The following VTI1A variants were observed in gnomAD, a reference collection of about 807,000 sequenced individuals.
VTI1A encodes the protein vesicle transport through interaction with t-SNAREs homolog 1A.
VTI1A carries 22 observed loss-of-function variants against 34.9 expected under a neutral mutation model. The observed-to-expected ratio is 0.63, with a 90% confidence interval of 0.45 to 0.90. The LOEUF (loss-of-function observed/expected upper bound fraction) is 0.90. Among genes scored for constraint, VTI1A ranks in the 40% least tolerant of loss-of-function variants. The pLI is 0.00. For missense variants in VTI1A, 268 were observed against 275.6 expected, an observed-to-expected ratio of 0.97 and a Z score of 0.20; for synonymous variants, 87 against 97.3, an observed-to-expected ratio of 0.89 and a Z score of 0.62.
At chr10:112,562,573 A>G (rs1331306765) in intron 5 of VTI1A, among the ~76,000 whole-genome samples, 2 of 151,774 alleles carry the variant, frequency 1.3e-5, no homozygotes, top group Admixed American at 1.3e-4. Flanking sequence ...TATAAAATAG[A>G]TTTTCTTTTA....
At chr10:112,503,977 T>G (rs1184310405) in intron 3 of VTI1A, among the ~76,000 whole-genome samples, 1 of 152,282 alleles carries the variant, frequency 6.6e-6, no homozygotes, top group East Asian at 1.9e-4. Context: ...ATTCCTTCTT[T>G]TTCCCTTGAG....
chr10:112,652,458 C>T (rs574214318), intron 5 of VTI1A, among the ~76,000 whole-genome samples: 14 of 152,252 alleles, frequency 9.2e-5, no homozygotes, highest in Middle Eastern at 3.4e-3. Flanking sequence ...CAGGGGCTCA[C>T]GCCTGTAATC....
chr10:112,748,742 C>CA (rs1850997692), intron 7 of VTI1A, among the ~76,000 whole-genome samples: 2 of 150,242 alleles, frequency 1.3e-5, no homozygotes, highest in South Asian at 4.3e-4. Context: ...TCTCCTGTCT[C>CA]AGATTCCTGA....
intron 5 of VTI1A, among the ~76,000 whole-genome samples, chr10:112,659,173 A>T (rs1847351846): frequency 6.6e-6 from 1 of 152,170 alleles, no homozygotes; most frequent in Non-Finnish European, 1.5e-5. Flanking sequence ...GATGACGCTG[A>T]ACACGTCTCC....
intron 7 of VTI1A, among the ~76,000 whole-genome samples, chr10:112,730,542 T>C (rs1850212569): frequency 6.6e-6 from 1 of 152,186 alleles, no homozygotes; most frequent in Non-Finnish European, 1.5e-5. Context: ...CGAGTTTCTT[T>C]TTCCTATGTA....
chr10:112,792,124 A>G (rs778364307), intron 7 of VTI1A, among the ~76,000 whole-genome samples: 38 of 152,218 alleles, frequency 2.5e-4, no homozygotes, highest in Admixed American at 7.8e-4. Context: ...ACGTAGAAAA[A>G]ATTAGCTGGA....
intron 7 of VTI1A, among the ~76,000 whole-genome samples, chr10:112,735,109 C>T (rs1564904957): frequency 6.6e-6 from 1 of 152,068 alleles, no homozygotes; most frequent in African/African-American, 2.4e-5. Flanking sequence ...AGTGATTTAC[C>T]AGTTTTAATT....
intron 7 of VTI1A, among the ~76,000 whole-genome samples, chr10:112,770,336 A>G (rs1418618416): frequency 6.6e-6 from 1 of 152,180 alleles, no homozygotes; most frequent in African/African-American, 2.4e-5. Context: ...CACGAAAACA[A>G]TAATTTGGCT....
At chr10:112,757,881 T>G (rs532807562) in intron 7 of VTI1A, among the ~76,000 whole-genome samples, 10 of 152,330 alleles carry the variant, frequency 6.6e-5, no homozygotes, top group African/African-American at 2.4e-4. Context: ...CAAATAGAAT[T>G]GTTGTTTACT....
chr10:112,448,238 T>G (rs1818281006), intron 1 of VTI1A: 1 of 151,142 alleles, frequency 6.6e-6, no homozygotes, highest in East Asian at 2.0e-4. Context: ...CCCACCCCCA[T>G]TTCTTGTTTC....
intron 5 of VTI1A, chr10:112,634,213 A>G (rs1356614229): frequency 6.5e-6 from 1 of 154,548 alleles, no homozygotes; most frequent in Non-Finnish European, 1.5e-5. Context: ...TGGCAAGACC[A>G]CTTCGGTTCA....
intron 5 of VTI1A, among the ~76,000 whole-genome samples, chr10:112,542,594 C>T (rs978676436): frequency 6.6e-6 from 1 of 152,168 alleles, no homozygotes; most frequent in African/African-American, 2.4e-5. Context: ...CAGGGCCCTG[C>T]GTGTCCTGAT....
chr10:112,626,262 C>A (rs1845918414), intron 5 of VTI1A, among the ~76,000 whole-genome samples: 1 of 152,034 alleles, frequency 6.6e-6, no homozygotes, highest in South Asian at 2.1e-4. Flanking sequence ...ACCATGAAAT[C>A]AAAAACAATT....
At chr10:112,612,613 G>A (rs1845362758) in intron 5 of VTI1A, among the ~76,000 whole-genome samples, 1 of 152,042 alleles carries the variant, frequency 6.6e-6, no homozygotes, top group African/African-American at 2.4e-5. Context: ...TGTAGAGATA[G>A]GAGTCTCATT....
At chr10:112,792,461 T>C (rs1329016845) in intron 7 of VTI1A, among the ~76,000 whole-genome samples, 15 of 151,954 alleles carry the variant, frequency 9.9e-5, no homozygotes, top group Admixed American at 5.9e-4. Flanking sequence ...GGCTCTCACC[T>C]TAGTACCACA....
chr10:112,551,501 A>T (rs1851360180), intron 5 of VTI1A, among the ~76,000 whole-genome samples: 1 of 152,182 alleles, frequency 6.6e-6, no homozygotes, highest in African/African-American at 2.4e-5. Context: ...TGCGTTTGGA[A>T]TTAAGGTGGA....
intron 7 of VTI1A, among the ~76,000 whole-genome samples, chr10:112,759,196 G>A (rs1365163119): frequency 2.0e-5 from 3 of 152,216 alleles, no homozygotes; most frequent in Non-Finnish European, 2.9e-5. Context: ...CAATGCTGAT[G>A]TGGAGAGGTG....
intron 3 of VTI1A, among the ~76,000 whole-genome samples, chr10:112,482,998 A>G (rs1404071615): frequency 6.6e-6 from 1 of 152,162 alleles, no homozygotes; most frequent in African/African-American, 2.4e-5. Context: ...GGGGAAATAA[A>G]AAGAGAGAAA....
intron 7 of VTI1A, among the ~76,000 whole-genome samples, chr10:112,756,342 T>C (rs1851282627): frequency 6.6e-6 from 1 of 152,196 alleles, no homozygotes; most frequent in South Asian, 2.1e-4. Flanking sequence ...CCGGGCTACC[T>C]AGTTGCCTCT....
Sources: allele counts gnomAD v4.1 joint callset (sites outside exome capture counted in the v4.1 genomes callset), GRCh38; gene constraint gnomAD v4.1.1; transcripts MANE v1.5; gene names NCBI Gene and HGNC (gene_info 2026-07-23, HGNC 2026-07-21).